GBP7: variants seen among roughly 807,000 people sequenced by gnomAD.
GBP7 encodes guanylate-binding protein 7.
Under a neutral mutation model 61.3 loss-of-function variants are expected in GBP7, and 43 were observed. The ratio of observed to expected loss-of-function variants is 0.70; its 90% CI spans 0.55 to 0.91. The LOEUF (loss-of-function observed/expected upper bound fraction) is 0.91. Among genes scored for constraint, GBP7 ranks in the 40% least tolerant of loss-of-function variants. GBP7 has a pLI of 0.00. For synonymous variants in GBP7, 267 were observed against 271.0 expected, an observed-to-expected ratio of 0.99 and a Z score of 0.14; for missense variants, 717 against 740.5, an observed-to-expected ratio of 0.97 and a Z score of 0.37.
chr1:89,156,111 T>C (rs1682310644), intron 3 of GBP7, among the ~76,000 whole-genome samples: 1 of 152,164 alleles, frequency 6.6e-6, no homozygotes, highest in Admixed American at 6.5e-5. Flanking sequence ...CTAAGCTTCA[T>C]AAGTGAAGGA....
intron 9 of GBP7, among the ~76,000 whole-genome samples, chr1:89,138,964 G>A: frequency 6.6e-6 from 1 of 152,008 alleles, no homozygotes; most frequent in Non-Finnish European, 1.5e-5. Context: ...AATCTATAAG[G>A]AAGTTAAAGA....
At chr1:89,156,375 G>C (rs1682314922) in intron 3 of GBP7, among the ~76,000 whole-genome samples, 1 of 152,068 alleles carries the variant, frequency 6.6e-6, no homozygotes, top group African/African-American at 2.4e-5. Flanking sequence ...AATGTAAATG[G>C]GCTAAATGCT....
intron 5 of GBP7, 53 bp from the exon 6 acceptor site, chr1:89,150,628 G>T: frequency 6.3e-7 from 1 of 1,577,500 alleles, no homozygotes; most frequent in South Asian, 1.1e-5. Flanking sequence ...AAGTGAGCCT[G>T]AAGATTTTCA....
Position 89,149,571 on chromosome 1 carries a change from C to T in GBP7, c.873G>A (p.Arg291=), listed in dbSNP as rs370336904. ...GGTAGGTCTCCACCAGCATCCCCAGCCCTGAATGATTTAGGAAATTTAGGG... is the reference window on the plus strand; with the variant it reads ...GGTAGGTCTCCACCAGCATCCCCAGTCCTGAATGATTTAGGAAATTTAGGG... ...LREGILVTGN[R]LGMLVETYLD... The change falls in exon 7 of 11, where the codon CGG becomes CGA. Residue 291 remains arginine (R), a splice_region_variant and synonymous_variant. Transcript: ENST00000294671. The T allele has an allele frequency of 1.1e-4, 175 of 1,603,208 alleles. No homozygotes were observed. The highest frequency in any genetic ancestry group is 1.4e-4 in the Non-Finnish European group (164 of 1,172,388).
chr1:89,152,343 T>C lies in GBP7; in HGVS notation c.550A>G (p.Thr184Ala). The change falls in exon 5 of 11, where the codon ACC becomes GCC. Residue 184 changes from threonine to alanine, a missense_variant. Thr to Ala is a moderately conservative substitution (Grantham distance 58, BLOSUM62 0). Transcript: ENST00000294671. ...TGTCCATCTAACTTCAGCTCCAGGG[T>C]AAAATCTCGAACAGTCCAAATAAAG... ...PDFIWTVRDFTLELKLDGHPI... is the reference protein window; with the variant it reads ...PDFIWTVRDFALELKLDGHPI... The C allele has an allele frequency of 2.5e-6, 4 of 1,614,110 alleles. No homozygotes were observed. Among genetic ancestry groups the C allele is most frequent in the Middle Eastern group, 1.6e-4 (1 of 6,062 alleles).
intron 1 of GBP7, among the ~76,000 whole-genome samples, chr1:89,175,427 T>A (rs971396749): frequency 6.6e-5 from 10 of 152,180 alleles, no homozygotes; most frequent in Non-Finnish European, 1.5e-4. Context: ...AAACAGAGTA[T>A]GCGTCTGTCC....
intron 7 of GBP7, among the ~76,000 whole-genome samples, chr1:89,148,960 CAT>C (rs1333715136): frequency 4.6e-5 from 7 of 152,128 alleles, no homozygotes; most frequent in Non-Finnish European, 1.0e-4. Flanking sequence ...AGCTAATTAA[CAT>C]ATATATTAAC....
chr1:89,168,957 G>A (rs1168675822), intron 2 of GBP7, among the ~76,000 whole-genome samples: 4 of 144,644 alleles, frequency 2.8e-5, no homozygotes, highest in African/African-American at 5.3e-5. Context: ...CAACAAGAGC[G>A]AAACTCCGCC....
chr1:89,169,312 T>C (rs1236441717), intron 2 of GBP7, among the ~76,000 whole-genome samples: 3 of 152,202 alleles, frequency 2.0e-5, no homozygotes, highest in African/African-American at 4.8e-5. Flanking sequence ...GAGCTCTATT[T>C]AATTGGCTTA....
intron 3 of GBP7, among the ~76,000 whole-genome samples, chr1:89,156,383 G>T (rs1005989770): frequency 6.6e-6 from 1 of 152,150 alleles, no homozygotes; most frequent in African/African-American, 2.4e-5. Context: ...TGGGCTAAAT[G>T]CTCCAATTAA....
chr1:89,150,230 T>A, intron 6 of GBP7, 100 bp downstream of exon 6: 1 of 1,103,126 alleles, frequency 9.1e-7, no homozygotes, highest in Non-Finnish European at 1.3e-6. Flanking sequence ...ATAACACAGA[T>A]GTTATCTCCT....
intron 3 of GBP7, among the ~76,000 whole-genome samples, chr1:89,155,539 C>T (rs1395713270): frequency 6.6e-6 from 1 of 152,086 alleles, no homozygotes; most frequent in Non-Finnish European, 1.5e-5. Flanking sequence ...GAAAGCATGG[C>T]ACGAGAACTA....
At chr1:89,158,331 T>A (rs1227184986) in intron 3 of GBP7, among the ~76,000 whole-genome samples, 3 of 152,218 alleles carry the variant, frequency 2.0e-5, no homozygotes, top group African/African-American at 7.2e-5. Context: ...ACCACTCCTA[T>A]TCAACATAGT....
At chr1:89,136,663 A>C (rs1208240467) in intron 9 of GBP7, among the ~76,000 whole-genome samples, 1 of 152,180 alleles carries the variant, frequency 6.6e-6, no homozygotes, top group African/African-American at 2.4e-5. Flanking sequence ...GAGCAGTGTT[A>C]AGAGGAATGT....
At chr1:89,162,403 C>T (rs1287693993) in intron 3 of GBP7, among the ~76,000 whole-genome samples, 2 of 152,162 alleles carry the variant, frequency 1.3e-5, no homozygotes, top group Non-Finnish European at 2.9e-5. Context: ...TTCTGTCTCT[C>T]CATGAGGAAG....
chr1:89,141,773 A>G, intron 8 of GBP7, 125 bp from the exon 9 acceptor site: 1 of 718,574 alleles, frequency 1.4e-6, no homozygotes, highest in Non-Finnish European at 2.3e-6. Flanking sequence ...TTAAGATTCC[A>G]CAGTGGTTTC....
intron 3 of GBP7, among the ~76,000 whole-genome samples, chr1:89,160,373 CCTTAA>C (rs1682412908): frequency 6.6e-6 from 1 of 151,914 alleles, no homozygotes; most frequent in Non-Finnish European, 1.5e-5. Flanking sequence ...AAAAAATGTA[CCTTAA>C]CTTCCTCATA....
At chr1:89,174,418 C>T (rs547951809) in intron 1 of GBP7, among the ~76,000 whole-genome samples, 5 of 152,222 alleles carry the variant, frequency 3.3e-5, no homozygotes, top group East Asian at 1.9e-4. Context: ...CTAGGTGCCC[C>T]GCTTGCTCTT....
chr1:89,165,560 A>C (rs961178451), intron 2 of GBP7, among the ~76,000 whole-genome samples: 1 of 151,744 alleles, frequency 6.6e-6, no homozygotes, highest in Non-Finnish European at 1.5e-5. Context: ...TCATGTCCTC[A>C]GTAATAAAGT....
Sources: gnomAD v4.1 joint callset for allele counts (sites outside exome capture counted in the v4.1 genomes callset) on GRCh38, gnomAD v4.1.1 for gene constraint, MANE v1.5 for transcripts, NCBI Gene and HGNC (gene_info 2026-07-23, HGNC 2026-07-21) for gene names.